The following MFHAS1 variants were observed in gnomAD, a reference collection of about 807,000 sequenced individuals.
MFHAS1 encodes the protein multifunctional ROCO family signaling regulator 1, also known as malignant fibrous histiocytoma-amplified sequence 1.
A neutral mutation model predicts 70.4 loss-of-function variants in MFHAS1; 50 were observed. The observed-to-expected ratio is 0.71, with a 90% CI of 0.57 to 0.90. The LOEUF is 0.90. MFHAS1 is among the 40% of genes least tolerant of loss of function. The pLI is 0.00. For synonymous variants in MFHAS1, 952 were observed against 620.0 expected (o/e 1.54, Z -7.96); for missense variants, 1,795 against 1,347.6 (o/e 1.33, Z -5.20).
intron 1 of MFHAS1, among the ~76,000 whole-genome samples, chr8:8,852,611 G>A (rs185481589): frequency 6.6e-6 from 1 of 152,166 alleles, no homozygotes; most frequent in East Asian, 1.9e-4. Context: ...AATTGGTTCT[G>A]TGGACACCAT....
rs191085319 is a variant in MFHAS1 at position 8,849,481 on chromosome 8, G to A, written c.2998+40580C>T. On this transcript the variant is annotated intron_variant, in intron 1 of 2. Transcript: ENST00000276282. ...CTTCACCACCCCACATGTGCATAATGTGTGTGCACTTACACGTGTGTGTAT... is the reference window on the plus strand; with the variant it reads ...CTTCACCACCCCACATGTGCATAATATGTGTGCACTTACACGTGTGTGTAT... Among the ~76,000 whole-genome samples, 275 of 152,298 alleles carry A rather than the reference G, an allele frequency of 1.8e-3. 1 individual carries two copies. The highest frequency in any genetic ancestry group is 0.014 in the Middle Eastern group (4 of 294).
In MFHAS1 at chr8:8,790,304, T is replaced by C. The variant is rs569782985; in HGVS notation, c.3126-4249A>G. The stretch of plus-strand genomic sequence containing the variant: ...GGCCTTACCTATTTAAGAAATTCTC[T>C]CTGTTTCACGGAGACTTACCCTTAA... On this transcript the variant is annotated intron_variant, in intron 2 of 2. Coordinates refer to ENST00000276282, the MANE Select transcript of MFHAS1 (RefSeq NM_004225.3). 139 of 887,656 alleles carry C rather than the reference T, an allele frequency of 1.6e-4. No homozygotes were observed. In the African/African-American group the frequency reaches 2.3e-3, roughly 15 times the overall value. The allele number at this position is 887,656 out of a possible 1,614,324, so 55.0% of individuals were successfully genotyped here.
chr8:8,814,857 T>TC (rs1324644930), intron 1 of MFHAS1, among the ~76,000 whole-genome samples: 1 of 151,576 alleles, frequency 6.6e-6, no homozygotes, highest in Non-Finnish European at 1.5e-5. Context: ...TTCTTTTTTT[T>TC]TTTTTTTTTT....
intron 1 of MFHAS1, among the ~76,000 whole-genome samples, chr8:8,840,101 C>A (rs191687717): frequency 1.3e-5 from 2 of 151,764 alleles, no homozygotes. Context: ...TATCCAAGCA[C>A]CTACTGTTCC....
At chr8:8,874,396 T>A in intron 1 of MFHAS1, among the ~76,000 whole-genome samples, 1 of 149,858 alleles carries the variant, frequency 6.7e-6, no homozygotes, top group African/African-American at 2.5e-5. Flanking sequence ...TATAACAGGG[T>A]TCTAACTGTT....
chr8:8,796,739 T>A (rs1285067858), intron 2 of MFHAS1, among the ~76,000 whole-genome samples: 8 of 137,634 alleles, frequency 5.8e-5, no homozygotes, highest in African/African-American at 1.9e-4. Flanking sequence ...CTCACGCCTG[T>A]AATCCCAGCA....
chr8:8,836,030 C>T (rs1309795247), intron 1 of MFHAS1, among the ~76,000 whole-genome samples: 1 of 152,178 alleles, frequency 6.6e-6, no homozygotes, highest in African/African-American at 2.4e-5. Context: ...TCTAGCCCTT[C>T]AAAGAAAAAG....
chr8:8,828,405 A>T (rs1321915526), intron 1 of MFHAS1, among the ~76,000 whole-genome samples: 1 of 152,232 alleles, frequency 6.6e-6, no homozygotes, highest in Non-Finnish European at 1.5e-5. Context: ...GGACACTGCC[A>T]GTAGCTCTGA....
chr8:8,839,549 G>A (rs1248240263), intron 1 of MFHAS1, among the ~76,000 whole-genome samples: 2 of 152,144 alleles, frequency 1.3e-5, no homozygotes, highest in Admixed American at 1.3e-4. Flanking sequence ...GTAACCACTT[G>A]CCTTAACCCT....
intron 1 of MFHAS1, among the ~76,000 whole-genome samples, chr8:8,816,503 G>A (rs1806751356): frequency 6.6e-6 from 1 of 152,172 alleles, no homozygotes; most frequent in Admixed American, 6.5e-5. Context: ...GAATCTCATA[G>A]ATCAAATGCA....
At position 8,788,561 on chromosome 8, in the gene MFHAS1, C is replaced by G. The variant is rs182050904; in HGVS notation, c.3126-2506G>C. On this transcript the variant is annotated intron_variant, in intron 2 of 2. Transcript: ENST00000276282. Reference sequence around the variant, plus strand: ...AGGCGTGGTGGTGCATGCCTGTAGTCCCAGCTACTCGGGGGGCTGAGGCAG... The same window carrying G: ...AGGCGTGGTGGTGCATGCCTGTAGTGCCAGCTACTCGGGGGGCTGAGGCAG... 7.1e-3 allele frequency among the ~76,000 whole-genome samples: 1,076 copies of G among 152,232 alleles called. 8 individuals are homozygous for G. Among genetic ancestry groups the G allele is most frequent in the Non-Finnish European group, 0.012 (788 of 68,008 alleles).
intron 1 of MFHAS1, among the ~76,000 whole-genome samples, chr8:8,819,329 G>C (rs1207680796): frequency 6.6e-6 from 1 of 152,084 alleles, no homozygotes; most frequent in Admixed American, 6.5e-5. Context: ...GAATTGGCCG[G>C]GTGCGGTGGC....
intron 1 of MFHAS1, among the ~76,000 whole-genome samples, chr8:8,854,165 G>A (rs1199595361): frequency 6.6e-6 from 1 of 152,160 alleles, no homozygotes; most frequent in African/African-American, 2.4e-5. Flanking sequence ...AGGAGGCCAA[G>A]GTGGCAGGAT....
intron 1 of MFHAS1, among the ~76,000 whole-genome samples, chr8:8,816,731 T>A (rs1806761608): frequency 6.6e-6 from 1 of 152,204 alleles, no homozygotes; most frequent in East Asian, 1.9e-4. Context: ...TACCAATGGT[T>A]ATTATATCAG....
intron 1 of MFHAS1, among the ~76,000 whole-genome samples, chr8:8,840,549 G>A (rs1204229589): frequency 2.0e-5 from 3 of 151,832 alleles, no homozygotes; most frequent in Admixed American, 6.6e-5. Context: ...TGATGGTGCC[G>A]GTCATTCATG....
rs1480807251 is a variant in MFHAS1, at chr8:8,850,641, C to T, written c.2998+39420G>A. ...TGGATCACTAAGGTCAGGAGACCAG[C>T]CTGGCCAACATGGCAAAACCCTGTC... On this transcript the variant is annotated intron_variant, in intron 1 of 2. Transcript: ENST00000276282. 3.3e-5 allele frequency among the ~76,000 whole-genome samples: 5 copies of T among 152,158 alleles called. No homozygotes were observed. The East Asian group carries it at 9.6e-4, about 29-fold the overall frequency.
Position 8,890,461 on chromosome 8 carries a change from A to G in MFHAS1, c.2598T>C (p.Asn866=). 1 of 1,613,978 alleles carries G rather than the reference A, an allele frequency of 6.2e-7. No homozygotes were observed. The highest frequency in any genetic ancestry group is 2.2e-5 in the East Asian group (1 of 44,888). ...NEVPHAEAWI[N]GTNLAGQSFV... is the part of the protein sequence containing the mutation. ...AAGACTGCCCAGCTAGGTTGGTCCCATTAATCCAGGCTTCTGCATGGGGCA... is the reference window on the plus strand; with the variant it reads ...AAGACTGCCCAGCTAGGTTGGTCCCGTTAATCCAGGCTTCTGCATGGGGCA... The change falls in exon 1 of 3, where the codon AAT becomes AAC. Residue 866 remains asparagine, a synonymous_variant. Coordinates refer to ENST00000276282, the MANE Select transcript of MFHAS1 (RefSeq NM_004225.3).
At chr8:8,797,128 G>A (rs1208713037) in intron 2 of MFHAS1, among the ~76,000 whole-genome samples, 3 of 144,550 alleles carry the variant, frequency 2.1e-5, no homozygotes, top group African/African-American at 7.8e-5. Context: ...GTTAAAAAAT[G>A]TTCTGACTTT....
chr8:8,838,489 C>A (rs559910985), intron 1 of MFHAS1, among the ~76,000 whole-genome samples: 11 of 152,304 alleles, frequency 7.2e-5, no homozygotes, highest in African/African-American at 2.4e-4. Context: ...TCCCCCTATA[C>A]CCCACACCTT....
Sources: gnomAD v4.1 joint callset for allele counts (sites outside exome capture counted in the v4.1 genomes callset) on GRCh38, gnomAD v4.1.1 for gene constraint, MANE v1.5 for transcripts, NCBI Gene and HGNC (gene_info 2026-07-23, HGNC 2026-07-21) for gene names.